The following CD276 variants were observed in gnomAD, a reference collection of about 807,000 sequenced individuals.
CD276 encodes CD276 molecule.
Under a neutral mutation model 50.0 loss-of-function variants are expected in CD276, and 34 were observed. The observed-to-expected ratio is 0.68, with a 90% CI of 0.52 to 0.91. The LOEUF (loss-of-function observed/expected upper bound fraction) is 0.91. Among genes scored for constraint, CD276 ranks in the 40% least tolerant of loss-of-function variants. CD276 has a pLI of 0.00. For synonymous variants in CD276, 275 were observed against 313.0 expected (o/e 0.88, Z 1.28); for missense variants, 634 against 717.5 (o/e 0.88, Z 1.33).
Position 73,708,438 on chromosome 15 carries a change from G to C in CD276, c.1469G>C (p.Arg490Thr). The change falls in exon 7 of 10, where the codon AGA becomes ACA. Residue 490 changes from arginine (R) to threonine (T), a missense_variant. Physicochemically the swap from Arg to Thr is moderately conservative, Grantham distance 71 (BLOSUM62 -1). Coordinates refer to ENST00000318443, the MANE Select transcript of CD276 (RefSeq NM_001024736.2). ...GTGGCCCTGGCTTTCGTGTGCTGGA[G>C]AAAGATCAAACAGAGCTGTGAGGAG... Reference protein sequence around the residue: ...LLVALAFVCWRKIKQSCEEEN... With the variant: ...LLVALAFVCWTKIKQSCEEEN... 1 of 1,613,964 alleles carries C rather than the reference G, an allele frequency of 6.2e-7. No individual in the cohort carries two copies. Among genetic ancestry groups the C allele is most frequent in the Non-Finnish European group, 8.5e-7 (1 of 1,179,954 alleles).
At position 73,708,525 on chromosome 15, in the gene CD276, G is replaced by A. The variant is rs1178934273; in HGVS notation, c.1504+52G>A. On this transcript the variant is annotated intron_variant, in intron 7 of 9. Transcript: ENST00000318443. ...GCGCATGCACACTTATGTGTCTTGG[G>A]GTATGTTGCTGTCTTTGATGTCAAT... 12 of 1,568,728 alleles carry A rather than the reference G, an allele frequency of 7.6e-6. 1 individual carries two copies. The Admixed American group carries it at 1.8e-4, about 24-fold the overall frequency.
At chr15:73,689,685 A>G (rs1157079707) in intron 1 of CD276, among the ~76,000 whole-genome samples, 1 of 152,218 alleles carries the variant, frequency 6.6e-6, no homozygotes, top group Non-Finnish European at 1.5e-5. Context: ...GGATATTTTC[A>G]TAAAGTTTCA....
Position 73,714,006 on chromosome 15 carries a change from G to C in CD276, c.*1050G>C. On this transcript the variant is annotated 3_prime_UTR_variant, in exon 10 of 10. Transcript: ENST00000318443. ...GCAGGGGGCTCCTGCCTGGCTCCCT[G>C]CTCCACACCTCCTCTGTGGCTCAAG... is the stretch of plus-strand genomic sequence containing the variant. 3.3e-6 allele frequency: 1 copy of C among 304,102 alleles called. No homozygotes were observed. The highest frequency in any genetic ancestry group is 6.1e-6 in the Non-Finnish European group (1 of 162,932). 18.8% of individuals were successfully genotyped at this position (304,102 alleles called of 1,614,324 possible).
intron 1 of CD276, among the ~76,000 whole-genome samples, chr15:73,694,918 T>A (rs970798863): frequency 6.6e-6 from 1 of 152,210 alleles, no homozygotes; most frequent in Non-Finnish European, 1.5e-5. Flanking sequence ...GAGGATCACT[T>A]GAGCCCAGGA....
intron 1 of CD276, among the ~76,000 whole-genome samples, chr15:73,694,045 A>G (rs544711788): frequency 6.6e-6 from 1 of 152,324 alleles, no homozygotes; most frequent in Admixed American, 6.5e-5. Flanking sequence ...AATGACTGCC[A>G]TGTCCCTCTG....
intron 6 of CD276, among the ~76,000 whole-genome samples, chr15:73,705,414 C>T (rs1900610473): frequency 6.6e-6 from 1 of 152,128 alleles, no homozygotes; most frequent in Non-Finnish European, 1.5e-5. Context: ...CCTATGTGGT[C>T]CCCACTTCTG....
chr15:73,708,233 G>A (rs1596019597), intron 6 of CD276, 106 bp from the exon 7 acceptor site: 1 of 1,224,086 alleles, frequency 8.2e-7, no homozygotes, highest in Admixed American at 2.0e-5. Context: ...TAGTGTTAGG[G>A]CCCAGTGAGG....
intron 7 of CD276, chr15:73,708,741 A>C: frequency 8.1e-6 from 4 of 494,448 alleles, no homozygotes; most frequent in East Asian, 3.7e-5. Context: ...CAAGTGCTAC[A>C]AAGGGATGAG....
At position 73,704,994 on chromosome 15, in the gene CD276, G is replaced by A. The variant is rs906894820; in HGVS notation, c.1369+522G>A. 2.0e-5 allele frequency among the ~76,000 whole-genome samples: 3 copies of A among 152,208 alleles called. No homozygotes were observed. The highest frequency in any genetic ancestry group is 4.4e-5 in the Non-Finnish European group (3 of 68,028). On this transcript the variant is annotated intron_variant, in intron 6 of 9. Transcript: ENST00000318443. The surrounding 1 kb of genome is among the most constrained non-coding windows in gnomAD (Gnocchi z 4.1). ...GGCAGGGGCTGTCTCTGCTGCCCCC[G>A]TGTGGTCAAACACCAGATAGAGGCC...
intron 1 of CD276, among the ~76,000 whole-genome samples, chr15:73,698,991 A>G (rs1405048256): frequency 1.3e-5 from 2 of 152,066 alleles, no homozygotes; most frequent in African/African-American, 4.8e-5. Flanking sequence ...GATTCCCATT[A>G]CTCATAGAAA....
At position 73,702,752 on chromosome 15, in the gene CD276, C is replaced by T. The variant is rs372595808; in HGVS notation, c.419-20C>T. On this transcript the variant is annotated intron_variant, in intron 3 of 9. Coordinates refer to ENST00000318443, the MANE Select transcript of CD276 (RefSeq NM_001024736.2). ...TCTGCCATTGCCCTGCCCTTGACCC[C>T]TGCCCTCTGTCACCTCCAGCTCCCT... The T allele has an allele frequency of 1.6e-5, 26 of 1,603,144 alleles. No individual in the cohort carries two copies. Among genetic ancestry groups the T allele is most frequent in the Non-Finnish European group, 2.2e-5 (26 of 1,174,448 alleles).
rs1349468091 is a variant in CD276 at position 73,708,980 on chromosome 15, G to C, written c.1504+507G>C. On this transcript the variant is annotated intron_variant, in intron 7 of 9. Coordinates refer to ENST00000318443, the MANE Select transcript of CD276 (RefSeq NM_001024736.2). ...CTGGTAAGTGGGTGAGAGGACATTG[G>C]TGGGTGGTGAGTTGACCCTGGTGGG... is the stretch of plus-strand genomic sequence containing the variant. Among the ~76,000 whole-genome samples, 3 of 152,336 alleles carry C rather than the reference G, an allele frequency of 2.0e-5. No individual in the cohort carries two copies. The Middle Eastern group carries it at 0.01, about 518-fold the overall frequency.
Position 73,713,753 on chromosome 15 carries a change from C to T in CD276, c.*797C>T, listed in dbSNP as rs774799934. The T allele has an allele frequency of 9.2e-5, 40 of 436,592 alleles. No individual in the cohort carries two copies. Among genetic ancestry groups the T allele is most frequent in the Non-Finnish European group, 1.5e-4 (33 of 220,392 alleles). The allele number at this position is 436,592 out of a possible 1,614,324, so 27.0% of individuals were successfully genotyped here. ...GCATGTGCTGGTCACACTGGTTCTC[C>T]AGGGGTCTGTGATGGGGCCCCTGGG... On this transcript the variant is annotated 3_prime_UTR_variant, in exon 10 of 10. Coordinates refer to ENST00000318443, the MANE Select transcript of CD276 (RefSeq NM_001024736.2).
intron 4 of CD276, 147 bp from the exon 5 acceptor site, chr15:73,703,512 G>T: frequency 1.4e-6 from 1 of 711,944 alleles, no homozygotes; most frequent in Non-Finnish European, 2.3e-6. Context: ...AGAGTCCTCA[G>T]ACTTAATCTG....
intron 2 of CD276, among the ~76,000 whole-genome samples, chr15:73,701,721 G>C (rs562999706): frequency 1.3e-5 from 2 of 151,688 alleles, no homozygotes; most frequent in Admixed American, 6.6e-5. Flanking sequence ...ATCGTGTTTC[G>C]TTAGGAAAAG....
At position 73,711,245 on chromosome 15, in the gene CD276, G is replaced by C; in HGVS notation, c.1582+75G>C. ...TGTGAGAGGCTGAGAGGGTGGGTAG[G>C]CATCATCCTTTCACTAGTGACCTGA... On this transcript the variant is annotated intron_variant, in intron 9 of 9. Transcript: ENST00000318443. 2.6e-6 allele frequency: 4 copies of C among 1,515,514 alleles called. No individual in the cohort carries two copies. In the South Asian group the frequency reaches 4.5e-5, roughly 17 times the overall value. 93.9% of individuals were successfully genotyped at this position (1,515,514 alleles called of 1,614,324 possible). A position where few individuals can be genotyped will look rare whatever the true frequency, so the allele number is the denominator to read the frequency against.
chr15:73,706,499 T>C (rs1900658579), intron 6 of CD276, among the ~76,000 whole-genome samples: 1 of 152,200 alleles, frequency 6.6e-6, no homozygotes, highest in African/African-American at 2.4e-5. Flanking sequence ...TCTGTAGACC[T>C]GGGCTCCAGT....
At chr15:73,699,119 C>T (rs991407395) in intron 1 of CD276, among the ~76,000 whole-genome samples, 6 of 152,120 alleles carry the variant, frequency 3.9e-5, no homozygotes, top group African/African-American at 7.2e-5. Flanking sequence ...CAGCTCTGAC[C>T]GTGTATTTCC....
chr15:73,711,505 T>C (rs1900899469), intron 9 of CD276: 1 of 291,530 alleles, frequency 3.4e-6, no homozygotes, highest in Admixed American at 4.8e-5. Context: ...AAGCTTTCAC[T>C]CCTAGGTCTA....
Sources: allele counts gnomAD v4.1 joint callset (sites outside exome capture counted in the v4.1 genomes callset), GRCh38; gene constraint gnomAD v4.1.1; non-coding constraint Gnocchi (gnomAD v3.1); transcripts MANE v1.5; gene names NCBI Gene and HGNC (gene_info 2026-07-23, HGNC 2026-07-21).